The following MYNN variants were observed in gnomAD, a reference collection of about 807,000 sequenced individuals.
The protein encoded by MYNN is zinc finger and BTB domain-containing protein 31.
A neutral mutation model predicts 57.2 loss-of-function variants in MYNN; 22 were observed. That is an observed-to-expected ratio of 0.38 (90% CI 0.27 to 0.55). The LOEUF (loss-of-function observed/expected upper bound fraction) is 0.55. MYNN is among the 20% of genes least tolerant of loss of function. The pLI is 0.71. For missense variants in MYNN, 566 were observed against 723.1 expected (o/e 0.78, Z 2.49); for synonymous variants, 241 against 257.1 (o/e 0.94, Z 0.60).
Position 169,786,470 on chromosome 3 carries a change from A to T in MYNN, c.1625A>T (p.Asp542Val), listed in dbSNP as rs142931874. The change falls in exon 8 of 8, where the codon GAT (aspartate) becomes GTT (valine). Residue 542 changes from aspartate to valine, a missense_variant. This residue lies in a region of MYNN where 156 missense variants were observed against 163.9 expected (regional missense o/e 0.95). Transcript: ENST00000349841. ...GAGGATCATACTTTGAGTGAACAGG[A>T]TTCCATACAAAAAAGTCCTTTATCA... The part of the protein sequence containing the change: ...SAEDHTLSEQ[D>V]SIQKSPLSET... 9 of 1,613,508 alleles carry T rather than the reference A, an allele frequency of 5.6e-6. No homozygotes were observed. The highest frequency in any genetic ancestry group is 7.6e-6 in the Non-Finnish European group (9 of 1,179,608).
intron 2 of MYNN, 55 bp downstream of exon 2, chr3:169,774,616 A>G (rs1253376434): frequency 6.7e-7 from 1 of 1,482,844 alleles, no homozygotes; most frequent in East Asian, 2.3e-5. Context: ...TCTTCACAGC[A>G]AAAGTAGATT....
Position 169,789,111 on chromosome 3 carries a change from T to A in MYNN, c.*2433T>A, listed in dbSNP as rs902382241. 13 of 152,204 alleles carry A rather than the reference T, an allele frequency of 8.5e-5. No homozygotes were observed. The highest frequency in any genetic ancestry group is 2.2e-4 in the African/African-American group (9 of 41,466). 9.4% of individuals were successfully genotyped at this position (152,204 alleles called of 1,614,324 possible). The stretch of plus-strand genomic sequence containing the variant: ...TATTTGTATCAGATCATGCCTACTG[T>A]ATGTTAGATTTTAGACTATTTTAAA... On this transcript the variant is annotated 3_prime_UTR_variant, in exon 8 of 8. Coordinates refer to ENST00000349841, the MANE Select transcript of MYNN (RefSeq NM_018657.5).
Position 169,779,570 on chromosome 3 carries a change from G to C in MYNN, c.1060+9G>C, listed in dbSNP as rs1560587400. On this transcript the variant is annotated intron_variant, in intron 3 of 7. Transcript: ENST00000349841. The stretch of plus-strand genomic sequence containing the variant: ...TGTAAGAACTCATACAGGTGAGACG[G>C]GTGTGTGGGGAGATATTATTTTTAT... 6.2e-7 allele frequency: 1 copy of C among 1,607,366 alleles called. No individual in the cohort carries two copies. Among genetic ancestry groups the C allele is most frequent in the South Asian group, 1.1e-5 (1 of 90,630 alleles).
chr3:169,783,564 T>TGTGTTTAGC lies in MYNN; in HGVS notation c.1483+12_1483+13insCGTGTTTAG. On this transcript the variant is annotated splice_donor_region_variant and intron_variant, in intron 6 of 7. Transcript: ENST00000349841. The stretch of plus-strand genomic sequence containing the variant: ...AAACACTTTCGGTCCCATACAGGTC[T>TGTGTTTAGC]GTGTTTAGGGAGAACGTATTATTTT... The TGTGTTTAGC allele has an allele frequency of 1.3e-6, 2 of 1,593,670 alleles. No homozygotes were observed. Among genetic ancestry groups the TGTGTTTAGC allele is most frequent in the South Asian group, 2.2e-5 (2 of 89,294 alleles).
In MYNN at chr3:169,787,014, G is replaced by T. The variant is rs139332496; in HGVS notation, c.*336G>T. 2.4e-4 allele frequency: 55 copies of T among 230,540 alleles called. No individual in the cohort carries two copies. The East Asian group carries it at 5.3e-3, about 22-fold the overall frequency. 14.3% of individuals were successfully genotyped at this position (230,540 alleles called of 1,614,324 possible). On this transcript the variant is annotated 3_prime_UTR_variant, in exon 8 of 8. Transcript: ENST00000349841. ...TAAATCAGCCAGTTAATGTGATTCA[G>T]TTGTGACCTGTGGGATTTTAAAATT...
At position 169,782,318 on chromosome 3, in the gene MYNN, T is replaced by C; in HGVS notation, c.1221-147T>C. On this transcript the variant is annotated intron_variant, in intron 4 of 7. Coordinates refer to ENST00000349841, the MANE Select transcript of MYNN (RefSeq NM_018657.5). The surrounding 1 kb of genome is among the most constrained non-coding windows in gnomAD (Gnocchi z 4.8). Reference sequence around the variant, plus strand: ...TAAGAAATATTTGTTTTTGGCAGTGTTTACACTGAAACAACTACTGATTTT... The same window carrying C: ...TAAGAAATATTTGTTTTTGGCAGTGCTTACACTGAAACAACTACTGATTTT... The C allele has an allele frequency of 1.7e-6, 1 of 586,966 alleles. No individual in the cohort carries two copies. Among genetic ancestry groups the C allele is most frequent in the Admixed American group, 3.5e-5 (1 of 28,764 alleles). The allele number at this position is 586,966 out of a possible 1,614,324, so 36.4% of individuals were successfully genotyped here.
chr3:169,783,651 G>A (rs992527870), intron 6 of MYNN, 91 bp downstream of exon 6: 23 of 843,852 alleles, frequency 2.7e-5, no homozygotes, highest in Non-Finnish European at 4.1e-5. Flanking sequence ...GGACTATATG[G>A]TATTTAGTCA....
chr3:169,789,511 G>C lies in MYNN; in HGVS notation c.*2833G>C, dbSNP rs988916196. On this transcript the variant is annotated 3_prime_UTR_variant, in exon 8 of 8. Coordinates refer to ENST00000349841, the MANE Select transcript of MYNN (RefSeq NM_018657.5). Reference sequence around the variant, plus strand: ...GATTTTAATGTATACCAAACATGTAGAGTCTCACTCTGTTGCCCAGGCTGG... The same window carrying C: ...GATTTTAATGTATACCAAACATGTACAGTCTCACTCTGTTGCCCAGGCTGG... 6.6e-6 allele frequency: 1 copy of C among 152,190 alleles called. No individual in the cohort carries two copies. The highest frequency in any genetic ancestry group is 1.5e-5 in the Non-Finnish European group (1 of 68,042). The allele number at this position is 152,190 out of a possible 1,614,324, so 9.4% of individuals were successfully genotyped here. A position where few individuals can be genotyped will look rare whatever the true frequency, so the allele number is the denominator to read the frequency against.
chr3:169,775,358 A>G (rs1351123561), intron 2 of MYNN, among the ~76,000 whole-genome samples: 1 of 152,160 alleles, frequency 6.6e-6, no homozygotes, highest in Non-Finnish European at 1.5e-5. Flanking sequence ...GGTGGAGGGA[A>G]TAAAAGCAAA....
chr3:169,785,632 G>A (rs534942131), intron 7 of MYNN, among the ~76,000 whole-genome samples: 5 of 151,978 alleles, frequency 3.3e-5, no homozygotes, highest in East Asian at 3.8e-4. Flanking sequence ...GATTCATTCC[G>A]GGCAGAGAAC....
At chr3:169,785,514 A>G (rs1332811196) in intron 7 of MYNN, among the ~76,000 whole-genome samples, 1 of 152,038 alleles carries the variant, frequency 6.6e-6, no homozygotes, top group Admixed American at 6.6e-5. Flanking sequence ...CATAATCGAC[A>G]CAAAAGTGCT....
chr3:169,784,767 G>T, intron 7 of MYNN, 59 bp downstream of exon 7: 1 of 1,081,036 alleles, frequency 9.3e-7, no homozygotes. Flanking sequence ...TCATATTAGT[G>T]CTATTCCTTA....
Position 169,783,552 on chromosome 3 carries a change from C to T in MYNN, c.1475C>T (p.Ser492Phe), listed in dbSNP as rs1171252877. The T allele has an allele frequency of 1.0e-5, 16 of 1,606,406 alleles. No individual in the cohort carries two copies. Among genetic ancestry groups the T allele is most frequent in the Non-Finnish European group, 1.4e-5 (16 of 1,173,824 alleles). ...GGAGAGCTCAACAAACACTTTCGGTCCCATACAGGTCTGTGTTTAGGGAGA... is the reference window on the plus strand; with the variant it reads ...GGAGAGCTCAACAAACACTTTCGGTTCCATACAGGTCTGTGTTTAGGGAGA... ...SSGELNKHFR[S>F]HTGERPFICE... Residue 492 changes from serine (S) to phenylalanine (F), a missense_variant, in exon 6 of 8, where the codon TCC (serine) becomes TTC (phenylalanine). Coordinates refer to ENST00000349841, the MANE Select transcript of MYNN (RefSeq NM_018657.5).
chr3:169,780,776 CT>C (rs1778486855), intron 4 of MYNN, 27 bp downstream of exon 4: 1 of 1,553,950 alleles, frequency 6.4e-7, no homozygotes, highest in African/African-American at 1.4e-5. Context: ...GTTGTTTGAT[CT>C]TTTAGTCTTT....
At position 169,774,334 on chromosome 3, in the gene MYNN, A is replaced by G; in HGVS notation, c.39A>G (p.Arg13=). The change falls in exon 2 of 8, where the codon AGA becomes AGG. Residue 13 remains arginine, a synonymous_variant. Transcript: ENST00000349841. ...YSHHCEHLLE[R]LNKQREAGFL... ...ACCACTGTGAGCACCTTTTAGAGAG[A>G]CTGAACAAACAGCGGGAAGCAGGTT... 6.2e-7 allele frequency: 1 copy of G among 1,614,116 alleles called. No individual in the cohort carries two copies. The highest frequency in any genetic ancestry group is 8.5e-7 in the Non-Finnish European group (1 of 1,179,992).
In MYNN at chr3:169,779,419, A is replaced by G. The variant is rs774812294; in HGVS notation, c.918A>G (p.Thr306=). 6.2e-7 allele frequency: 1 copy of G among 1,614,212 alleles called. No homozygotes were observed. Among genetic ancestry groups the G allele is most frequent in the Non-Finnish European group, 8.5e-7 (1 of 1,180,030 alleles). ...CCAAGGCCAAGCCAATGTGTAACAC[A>G]TGTGGGAAAGTGTTTTCAGAAGCCA... is the stretch of plus-strand genomic sequence containing the variant. ...RYSKAKPMCN[T]CGKVFSEASS... is the part of the protein sequence containing the mutation. The change falls in exon 3 of 8, where the codon ACA becomes ACG. Residue 306 remains threonine (T), a synonymous_variant. Transcript: ENST00000349841.
chr3:169,778,184 T>G (rs774154734), intron 2 of MYNN: 1 of 152,852 alleles, frequency 6.5e-6, no homozygotes, highest in Non-Finnish European at 1.5e-5. Flanking sequence ...GCACTCCTGC[T>G]TGGGCAACAG....
At position 169,784,588 on chromosome 3, in the gene MYNN, A is replaced by G. The variant is rs530118157; in HGVS notation, c.1484-34A>G. 45 of 1,371,212 alleles carry G rather than the reference A, an allele frequency of 3.3e-5. 1 individual carries two copies. In the African/African-American group the frequency reaches 4.9e-4, roughly 15 times the overall value. 84.9% of individuals were successfully genotyped at this position (1,371,212 alleles called of 1,614,324 possible). A position where few individuals can be genotyped will look rare whatever the true frequency, so the allele number is the denominator to read the frequency against. ...TTTGTCTTAGCTAGCAGCTTTTAAA[A>G]TATTGAAATTTAAACTTCTAATTTG... On this transcript the variant is annotated intron_variant, in intron 6 of 7. Coordinates refer to ENST00000349841, the MANE Select transcript of MYNN (RefSeq NM_018657.5).
chr3:169,782,943 G>C lies in MYNN; in HGVS notation c.1399+300G>C, dbSNP rs182325318. On this transcript the variant is annotated intron_variant, in intron 5 of 7. Transcript: ENST00000349841. The surrounding 1 kb of genome is among the most constrained non-coding windows in gnomAD (Gnocchi z 4.8). ...TTGTGACTTTATAAAAACCTTTTCA[G>C]CTTCCTAAAGGGTCATCTCCTATAG... Among the ~76,000 whole-genome samples the C allele has an allele frequency of 6.6e-6, 1 of 152,154 alleles. No homozygotes were observed. The highest frequency in any genetic ancestry group is 1.9e-4 in the East Asian group (1 of 5,182).
Sources: allele counts gnomAD v4.1 joint callset (sites outside exome capture counted in the v4.1 genomes callset), GRCh38; gene constraint gnomAD v4.1.1; regional missense constraint gnomAD v4.1.1; non-coding constraint Gnocchi (gnomAD v3.1); transcripts MANE v1.5; gene names NCBI Gene and HGNC (gene_info 2026-07-23, HGNC 2026-07-21).